TNIK: variants seen among roughly 807,000 people sequenced by gnomAD.
The protein encoded by TNIK is TRAF2 and NCK-interacting protein kinase.
Under a neutral mutation model 191.3 loss-of-function variants are expected in TNIK, and 49 were observed. The observed-to-expected ratio is 0.26, with a 90% CI of 0.20 to 0.32. TNIK has a LOEUF of 0.32. TNIK is among the 10% of genes least tolerant of loss of function. The pLI, the probability that TNIK is intolerant of heterozygous loss-of-function variation, is 1.00. For synonymous variants in TNIK, 594 were observed against 600.9 expected (o/e 0.99, Z 0.17); for missense variants, 1,155 against 1,702.3 (o/e 0.68, Z 5.66).
chr3:171,102,642 T>C (rs1723771846), intron 21 of TNIK, among the ~76,000 whole-genome samples: 1 of 152,120 alleles, frequency 6.6e-6, no homozygotes, highest in Non-Finnish European at 1.5e-5. Flanking sequence ...CTCCCTATAT[T>C]AGTGACCCAT....
At chr3:171,078,315 C>G (rs998505536) in intron 28 of TNIK, among the ~76,000 whole-genome samples, 7 of 152,070 alleles carry the variant, frequency 4.6e-5, no homozygotes, top group Non-Finnish European at 8.8e-5. Flanking sequence ...ACCACTTGGA[C>G]TGATCTTTTT....
At chr3:171,356,892 T>G (rs1265032967) in intron 2 of TNIK, among the ~76,000 whole-genome samples, 2 of 152,198 alleles carry the variant, frequency 1.3e-5, no homozygotes, top group Non-Finnish European at 2.9e-5. Flanking sequence ...TGTTTTATGA[T>G]TGATATCAGT....
intron 2 of TNIK, among the ~76,000 whole-genome samples, chr3:171,284,303 C>T (rs767139328): frequency 2.0e-5 from 3 of 152,288 alleles, no homozygotes; most frequent in African/African-American, 7.2e-5. Context: ...AAACACACTC[C>T]GTTCATAGTA....
intron 1 of TNIK, among the ~76,000 whole-genome samples, chr3:171,405,683 C>T (rs1721578885): frequency 6.6e-6 from 1 of 152,150 alleles, no homozygotes; most frequent in Non-Finnish European, 1.5e-5. Flanking sequence ...ATGCATAAGA[C>T]TGATAATTTT....
chr3:171,460,068 ACTT>A lies in TNIK; in HGVS notation c.-8_-6del, dbSNP rs761709035. The A allele has an allele frequency of 1.3e-5, 21 of 1,604,414 alleles. No individual in the cohort carries two copies. The highest frequency in any genetic ancestry group is 1.7e-5 in the Non-Finnish European group (20 of 1,175,476). On this transcript the variant is annotated 5_prime_UTR_variant, in exon 1 of 33. Transcript: ENST00000436636. The surrounding 1 kb of genome is among the most constrained non-coding windows in gnomAD (Gnocchi z 6.8). ...AGCCGGGGAGTCGCTCGCCATGTCT[ACTT>A]CTTCGCTGGAGAAATGGACCAAAAC...
chr3:171,140,155 G>A (rs1730604960), intron 13 of TNIK, among the ~76,000 whole-genome samples: 1 of 152,210 alleles, frequency 6.6e-6, no homozygotes, highest in African/African-American at 2.4e-5. Flanking sequence ...GATACCGAGG[G>A]TTGGGAGAAT....
chr3:171,373,076 T>C (rs558885334), intron 1 of TNIK, among the ~76,000 whole-genome samples: 1 of 152,290 alleles, frequency 6.6e-6, no homozygotes, highest in Admixed American at 6.5e-5. Context: ...TTCACACAAA[T>C]GCATTTCATC....
chr3:171,415,258 C>G (rs1284227097), intron 1 of TNIK, among the ~76,000 whole-genome samples: 2 of 152,278 alleles, frequency 1.3e-5, no homozygotes, highest in East Asian at 3.9e-4. Context: ...CAACCACTTT[C>G]CCTACTGTTT....
chr3:171,334,253 C>T (rs12632985), intron 2 of TNIK, among the ~76,000 whole-genome samples: 11 of 152,030 alleles, frequency 7.2e-5, no homozygotes, highest in Non-Finnish European at 1.6e-4. Context: ...GCCTGTTTGC[C>T]CTTGCTCTCT....
chr3:171,347,085 A>G lies in TNIK; in HGVS notation c.123+22535T>C, dbSNP rs200991986. 1.4e-4 allele frequency: 203 copies of G among 1,488,848 alleles called. 1 individual carries two copies. The East Asian group carries it at 4.5e-3, about 33-fold the overall frequency. 92.2% of individuals were successfully genotyped at this position (1,488,848 alleles called of 1,614,324 possible). ...CAGTGGTGGCAGAGACAGAAAACAGAAGAGAGAAATCAGGAACCATTTAGG... is the reference window on the plus strand; with the variant it reads ...CAGTGGTGGCAGAGACAGAAAACAGGAGAGAGAAATCAGGAACCATTTAGG... On this transcript the variant is annotated intron_variant, in intron 2 of 32. Transcript: ENST00000436636.
intron 25 of TNIK, 102 bp from the exon 26 acceptor site, chr3:171,084,427 T>G (rs899581981): frequency 2.3e-5 from 32 of 1,373,484 alleles, no homozygotes; most frequent in South Asian, 1.0e-4. Context: ...GTTTGAATTA[T>G]AGTAAAGGCA....
intron 12 of TNIK, among the ~76,000 whole-genome samples, chr3:171,146,464 C>G (rs147230497): frequency 6.6e-6 from 1 of 152,000 alleles, no homozygotes; most frequent in Non-Finnish European, 1.5e-5. Context: ...TGCAATGCAA[C>G]GTGTCATTGG....
At chr3:171,439,120 G>T (rs1349921878) in intron 1 of TNIK, among the ~76,000 whole-genome samples, 2 of 152,036 alleles carry the variant, frequency 1.3e-5, no homozygotes. Flanking sequence ...CGAGGCAGGC[G>T]GATCACAAGG....
At chr3:171,280,752 A>G (rs1750337143) in intron 2 of TNIK, among the ~76,000 whole-genome samples, 1 of 152,150 alleles carries the variant, frequency 6.6e-6, no homozygotes, top group African/African-American at 2.4e-5. Flanking sequence ...TTGATATATA[A>G]CATTATATAA....
At chr3:171,445,676 G>C (rs1257978515) in intron 1 of TNIK, among the ~76,000 whole-genome samples, 3 of 152,142 alleles carry the variant, frequency 2.0e-5, no homozygotes, top group Admixed American at 2.0e-4. Context: ...CGTGCGAGGG[G>C]ACAATACACA....
intron 2 of TNIK, among the ~76,000 whole-genome samples, chr3:171,287,418 TAAG>T (rs1410023788): frequency 6.6e-6 from 1 of 152,214 alleles, no homozygotes; most frequent in Non-Finnish European, 1.5e-5. Flanking sequence ...TAAGAACATT[TAAG>T]AAGGTCACCC....
intron 1 of TNIK, among the ~76,000 whole-genome samples, chr3:171,448,716 AT>A (rs1312969816): frequency 6.6e-6 from 1 of 152,010 alleles, no homozygotes; most frequent in Non-Finnish European, 1.5e-5. Flanking sequence ...ACCATTTTAC[AT>A]TCCTATCAGT....
At chr3:171,213,110 C>A (rs997033175) in intron 3 of TNIK, among the ~76,000 whole-genome samples, 1 of 152,100 alleles carries the variant, frequency 6.6e-6, no homozygotes, top group East Asian at 1.9e-4. Flanking sequence ...AAACTCCCCA[C>A]GCCTTCACTG....
At chr3:171,390,382 T>C (rs9290411) in intron 1 of TNIK, among the ~76,000 whole-genome samples, 1 of 151,982 alleles carries the variant, frequency 6.6e-6, no homozygotes, top group African/African-American at 2.4e-5. Flanking sequence ...AAATAATAAC[T>C]ATGCAAGGTT....
Sources: gnomAD v4.1 joint callset for allele counts (sites outside exome capture counted in the v4.1 genomes callset) on GRCh38, gnomAD v4.1.1 for gene constraint, Gnocchi (gnomAD v3.1) non-coding constraint, MANE v1.5 for transcripts, NCBI Gene and HGNC (gene_info 2026-07-23, HGNC 2026-07-21) for gene names.